Variants in NAALADL2 observed in about 807,000 individuals in gnomAD.
The protein encoded by NAALADL2 is inactive N-acetylated-alpha-linked acidic dipeptidase-like protein 2.
Under a neutral mutation model 87.2 loss-of-function variants are expected in NAALADL2, and 76 were observed. The observed-to-expected ratio is 0.87, with a 90% CI of 0.72 to 1.05. The LOEUF (loss-of-function observed/expected upper bound fraction) is 1.05, where lower values mean the gene tolerates loss of function less well. Ranked by LOEUF, NAALADL2 falls within the 50% of genes least tolerant of loss-of-function variation. The pLI, the probability that NAALADL2 is intolerant of heterozygous loss-of-function variation, is 0.00. For synonymous variants in NAALADL2, 354 were observed against 331.0 expected (o/e 1.07, Z -0.75); for missense variants, 1,089 against 945.8 (o/e 1.15, Z -1.99).
chr3:174,925,252 G>T (rs1241809258), intron 1 of NAALADL2, among the ~76,000 whole-genome samples: 3 of 152,270 alleles, frequency 2.0e-5, no homozygotes, highest in East Asian at 1.9e-4. Flanking sequence ...TTTGTATAAG[G>T]TGTAAGGAAG....
chr3:174,484,929 G>T (rs1717760879), intron 1 of NAALADL2, among the ~76,000 whole-genome samples: 1 of 151,970 alleles, frequency 6.6e-6, no homozygotes, highest in African/African-American at 2.4e-5. Context: ...GCCGGTAGTT[G>T]TGTCATTTAT....
chr3:174,951,912 C>T (rs768743767), intron 1 of NAALADL2, among the ~76,000 whole-genome samples: 127 of 152,146 alleles, frequency 8.3e-4, no homozygotes, highest in Non-Finnish European at 1.4e-3. Context: ...ATATCAAACC[C>T]TTTATTCCAA....
intron 2 of NAALADL2, among the ~76,000 whole-genome samples, chr3:175,173,803 A>G (rs1735248178): frequency 6.6e-6 from 1 of 152,232 alleles, no homozygotes; most frequent in African/African-American, 2.4e-5. Context: ...CTCTCAGCAT[A>G]GTTTGTTGCA....
intron 1 of NAALADL2, among the ~76,000 whole-genome samples, chr3:174,499,699 CT>C (rs1560016953): frequency 6.6e-6 from 1 of 151,692 alleles, no homozygotes; most frequent in Non-Finnish European, 1.5e-5. Flanking sequence ...ACTAAATTGT[CT>C]TTTTTTTAAT....
At chr3:175,507,935 A>C (rs989481445) in intron 9 of NAALADL2, among the ~76,000 whole-genome samples, 1 of 152,132 alleles carries the variant, frequency 6.6e-6, no homozygotes. Flanking sequence ...GTTCCTAAAG[A>C]AAAGAGGTTT....
intron 9 of NAALADL2, among the ~76,000 whole-genome samples, chr3:175,543,613 G>A (rs995032602): frequency 6.6e-6 from 1 of 152,086 alleles, no homozygotes; most frequent in Non-Finnish European, 1.5e-5. Flanking sequence ...AAGGGGAAAA[G>A]CCCCTTATAA....
chr3:175,647,214 G>A (rs1051320594), intron 11 of NAALADL2, among the ~76,000 whole-genome samples: 3 of 152,096 alleles, frequency 2.0e-5, no homozygotes, highest in South Asian at 2.1e-4. Context: ...ACAGAGAAGA[G>A]GCAGAAGTCA....
chr3:175,308,359 C>T (rs1047185932), intron 4 of NAALADL2, among the ~76,000 whole-genome samples: 7 of 152,092 alleles, frequency 4.6e-5, no homozygotes, highest in African/African-American at 1.2e-4. Context: ...TGCACTCAGA[C>T]GTTAAACTGC....
At chr3:174,479,003 C>T (rs1468728192) in intron 1 of NAALADL2, among the ~76,000 whole-genome samples, 3 of 152,220 alleles carry the variant, frequency 2.0e-5, no homozygotes. Flanking sequence ...GCCACCATGC[C>T]CAGCCTCAAA....
intron 5 of NAALADL2, among the ~76,000 whole-genome samples, chr3:175,429,900 A>G (rs1212722125): frequency 6.6e-6 from 1 of 151,998 alleles, no homozygotes; most frequent in Non-Finnish European, 1.5e-5. Context: ...TAATAACATT[A>G]TACAATTATT....
chr3:175,737,445 T>C (rs1366553164), intron 12 of NAALADL2, 46 bp downstream of exon 12: 3 of 1,198,990 alleles, frequency 2.5e-6, no homozygotes, highest in Non-Finnish European at 3.7e-6. Flanking sequence ...GAAAAATTGT[T>C]CAACTAATTT....
intron 2 of NAALADL2, among the ~76,000 whole-genome samples, chr3:175,221,667 A>G (rs879345264): frequency 6.6e-6 from 1 of 151,986 alleles, no homozygotes; most frequent in Non-Finnish European, 1.5e-5. Flanking sequence ...TTATTTAATA[A>G]CTCAACCACT....
intron 2 of NAALADL2, among the ~76,000 whole-genome samples, chr3:174,732,511 A>G (rs887009495): frequency 6.6e-6 from 1 of 152,166 alleles, no homozygotes; most frequent in African/African-American, 2.4e-5. Context: ...GTGATATTCT[A>G]TATATTAACA....
chr3:174,997,199 G>A (rs1747618911), intron 1 of NAALADL2, among the ~76,000 whole-genome samples: 1 of 151,950 alleles, frequency 6.6e-6, no homozygotes, highest in South Asian at 2.1e-4. Context: ...TAGATATCCA[G>A]TAGTGGGATT....
At chr3:175,420,462 G>A (rs1456467160) in intron 5 of NAALADL2, among the ~76,000 whole-genome samples, 1 of 151,954 alleles carries the variant, frequency 6.6e-6, no homozygotes, top group Non-Finnish European at 1.5e-5. Context: ...ACAAGGTAAG[G>A]TGATAGACCT....
intron 1 of NAALADL2, among the ~76,000 whole-genome samples, chr3:174,955,253 A>G (rs2108528215): frequency 6.6e-6 from 1 of 152,250 alleles, no homozygotes; most frequent in East Asian, 1.9e-4. Flanking sequence ...CAAGTGTACC[A>G]TATCAGGAGA....
chr3:175,195,305 A>G (rs879467262), intron 2 of NAALADL2, among the ~76,000 whole-genome samples: 2 of 151,676 alleles, frequency 1.3e-5, no homozygotes, highest in Non-Finnish European at 3.0e-5. Flanking sequence ...CAACACTTAC[A>G]CTCTAGTGGA....
chr3:175,691,792 T>C (rs902826821), intron 11 of NAALADL2, among the ~76,000 whole-genome samples: 1 of 152,132 alleles, frequency 6.6e-6, no homozygotes, highest in Non-Finnish European at 1.5e-5. Flanking sequence ...TTTTATAACT[T>C]AACCTTTTAA....
rs377494131 is a variant in NAALADL2, at chr3:174,622,916, A to G, written c.-115+72279A>G. Among the ~76,000 whole-genome samples the G allele has an allele frequency of 1.4e-3, 217 of 152,198 alleles. 1 individual carries two copies. Among genetic ancestry groups the G allele is most frequent in the African/African-American group, 4.7e-3 (197 of 41,540 alleles). On this transcript the variant is annotated intron_variant, in intron 2 of 3. Coordinates refer to the NAALADL2 transcript ENST00000434257. Reference sequence around the variant, plus strand: ...AAATTAGCCAGGCGTGGTGGCAGGCACCTATAGTCCCAGCAACTGGGGAGG... The same window carrying G: ...AAATTAGCCAGGCGTGGTGGCAGGCGCCTATAGTCCCAGCAACTGGGGAGG...
Sources: gnomAD v4.1 joint callset for allele counts (sites outside exome capture counted in the v4.1 genomes callset) on GRCh38, gnomAD v4.1.1 for gene constraint, MANE v1.5 for transcripts, NCBI Gene and HGNC (gene_info 2026-07-23, HGNC 2026-07-21) for gene names.